The following HAPLN1 variants were observed in gnomAD, a reference collection of about 807,000 sequenced individuals.
HAPLN1 encodes the protein Cartilage link protein.
Under a neutral mutation model 36.5 loss-of-function variants are expected in HAPLN1, and 13 were observed. The observed-to-expected ratio is 0.36, with a 90% CI of 0.23 to 0.57. HAPLN1 has a LOEUF of 0.57. HAPLN1 is among the 20% of genes least tolerant of loss of function. HAPLN1 has a pLI of 0.83. For synonymous variants in HAPLN1, 202 were observed against 169.8 expected (o/e 1.19, Z -1.48); for missense variants, 407 against 439.7 (o/e 0.93, Z 0.66).
intron 1 of HAPLN1, among the ~76,000 whole-genome samples, chr5:83,697,168 A>G (rs886763596): frequency 4.6e-5 from 7 of 152,178 alleles, no homozygotes; most frequent in African/African-American, 1.2e-4. Flanking sequence ...TTAATGATTC[A>G]ATGAATATTC....
At chr5:83,658,383 A>T (rs906228395) in intron 2 of HAPLN1, among the ~76,000 whole-genome samples, 1 of 152,150 alleles carries the variant, frequency 6.6e-6, no homozygotes, top group African/African-American at 2.4e-5. Context: ...CTATGACTGA[A>T]ATATACTAGT....
chr5:83,646,408 C>A (rs531085269), intron 3 of HAPLN1, among the ~76,000 whole-genome samples: 2 of 152,198 alleles, frequency 1.3e-5, no homozygotes, highest in Non-Finnish European at 2.9e-5. Context: ...TACAAACTCA[C>A]TAATAGCATA....
At chr5:83,712,270 G>A (rs1418594757) in intron 1 of HAPLN1, among the ~76,000 whole-genome samples, 1 of 151,940 alleles carries the variant, frequency 6.6e-6, no homozygotes, top group Non-Finnish European at 1.5e-5. Context: ...ATTTATACCT[G>A]TTGTATATTA....
At chr5:83,655,524 G>GTA (rs1750185638) in intron 2 of HAPLN1, among the ~76,000 whole-genome samples, 1 of 151,576 alleles carries the variant, frequency 6.6e-6, no homozygotes, top group African/African-American at 2.4e-5. Context: ...TGGGGTGTGT[G>GTA]TGTGTGTGTG....
At chr5:83,690,361 T>G (rs551248558) in intron 1 of HAPLN1, among the ~76,000 whole-genome samples, 1 of 152,100 alleles carries the variant, frequency 6.6e-6, no homozygotes, top group African/African-American at 2.4e-5. Flanking sequence ...TAGAAACAGG[T>G]TTTTTAGTAG....
chr5:83,698,366 G>A (rs1561321377), intron 1 of HAPLN1, among the ~76,000 whole-genome samples: 1 of 151,616 alleles, frequency 6.6e-6, no homozygotes, highest in Non-Finnish European at 1.5e-5. Context: ...AATTTTCTTG[G>A]TACTCTTGTC....
Position 83,640,987 on chromosome 5 carries a change from A to G in HAPLN1, c.*509T>C, listed in dbSNP as rs1222549197. The G allele has an allele frequency of 6.6e-6, 1 of 151,202 alleles. No individual in the cohort carries two copies. The highest frequency in any genetic ancestry group is 2.4e-5 in the African/African-American group (1 of 40,966). 9.4% of individuals were successfully genotyped at this position (151,202 alleles called of 1,614,324 possible). A position where few individuals can be genotyped will look rare whatever the true frequency, so the allele number is the denominator to read the frequency against. On this transcript the variant is annotated 3_prime_UTR_variant, in exon 5 of 5. Coordinates refer to ENST00000274341, the MANE Select transcript of HAPLN1 (RefSeq NM_001884.4). ...CTGCCTATTAGAGACTTGAAATATT[A>G]ACTTTTAGAAAGGTATAGATTGTTC...
chr5:83,687,180 G>T (rs1225408667), intron 1 of HAPLN1, among the ~76,000 whole-genome samples: 1 of 152,140 alleles, frequency 6.6e-6, no homozygotes, highest in African/African-American at 2.4e-5. Flanking sequence ...TTCAGTGCTG[G>T]TGTAGTCAAA....
intron 2 of HAPLN1, among the ~76,000 whole-genome samples, chr5:83,668,359 AGT>A (rs1353992869): frequency 6.6e-6 from 1 of 152,216 alleles, no homozygotes; most frequent in Non-Finnish European, 1.5e-5. Flanking sequence ...TCAGATTTGA[AGT>A]AAAGGAAGGG....
chr5:83,676,096 A>G (rs1371211467), intron 1 of HAPLN1, among the ~76,000 whole-genome samples: 2 of 152,166 alleles, frequency 1.3e-5, no homozygotes, highest in Non-Finnish European at 2.9e-5. Flanking sequence ...CTGCCTCATT[A>G]ATTATATCAC....
In HAPLN1 at chr5:83,638,637, T is replaced by C. The variant is rs1351740954; in HGVS notation, c.*2859A>G. ...AATTGTAATCTCCTTTGAGTCTACT[T>C]CTAATTGCCAAAATAAAAAGTGACT... On this transcript the variant is annotated 3_prime_UTR_variant, in exon 5 of 5. Coordinates refer to ENST00000274341, the MANE Select transcript of HAPLN1 (RefSeq NM_001884.4). The C allele has an allele frequency of 6.6e-6, 1 of 152,058 alleles. No homozygotes were observed. Among genetic ancestry groups the C allele is most frequent in the Non-Finnish European group, 1.5e-5 (1 of 67,906 alleles). 9.4% of individuals were successfully genotyped at this position (152,058 alleles called of 1,614,324 possible). A position where few individuals can be genotyped will look rare whatever the true frequency, so the allele number is the denominator to read the frequency against.
intron 1 of HAPLN1, among the ~76,000 whole-genome samples, chr5:83,716,655 T>C (rs1751918308): frequency 6.6e-6 from 1 of 152,224 alleles, no homozygotes; most frequent in East Asian, 1.9e-4. Context: ...AGAGCTTGGC[T>C]GGTTTTCTCT....
At chr5:83,698,322 T>C (rs945317101) in intron 1 of HAPLN1, among the ~76,000 whole-genome samples, 7 of 152,120 alleles carry the variant, frequency 4.6e-5, no homozygotes, top group Non-Finnish European at 8.8e-5. Context: ...TCTTTTTCTT[T>C]TCCTGCTTTG....
chr5:83,704,675 TAAG>T (rs1229351084), intron 1 of HAPLN1, among the ~76,000 whole-genome samples: 1 of 152,164 alleles, frequency 6.6e-6, no homozygotes, highest in African/African-American at 2.4e-5. Context: ...TAAATAATAA[TAAG>T]GTGTTCAATT....
chr5:83,648,878 C>T (rs1315448101), intron 3 of HAPLN1, among the ~76,000 whole-genome samples: 2 of 152,170 alleles, frequency 1.3e-5, no homozygotes, highest in Admixed American at 1.3e-4. Context: ...ATTTCAAACT[C>T]TTATGCATAT....
chr5:83,675,646 T>A (rs950286553), intron 1 of HAPLN1, among the ~76,000 whole-genome samples: 4 of 152,232 alleles, frequency 2.6e-5, no homozygotes, highest in Non-Finnish European at 4.4e-5. Context: ...TTCATTCCAA[T>A]GTGTTAAAGT....
rs151135559 is a variant in HAPLN1 at position 83,689,212 on chromosome 5, G to C, written c.-26-15663C>G. ...GCTATTCTTCCTATTTGGAAGGGTA[G>C]GGTGAGGAGCGTTAGGGATCGGTGG... is the stretch of plus-strand genomic sequence containing the variant. On this transcript the variant is annotated intron_variant, in intron 1 of 4. Transcript: ENST00000274341. Among the ~76,000 whole-genome samples, 647 of 152,228 alleles carry C rather than the reference G, an allele frequency of 4.3e-3. 5 individuals carry two copies. The highest frequency in any genetic ancestry group is 0.015 in the African/African-American group (611 of 41,558).
chr5:83,666,037 T>C lies in HAPLN1; in HGVS notation c.100+7387A>G, dbSNP rs966846577. Among the ~76,000 whole-genome samples, 5 of 152,344 alleles carry C rather than the reference T, an allele frequency of 3.3e-5. No individual in the cohort carries two copies. The East Asian group carries it at 5.8e-4, about 18-fold the overall frequency. On this transcript the variant is annotated intron_variant, in intron 2 of 4. Transcript: ENST00000274341. ...TTCAAATAATTTCCTATGTTTTTAA[T>C]GTTTTCATTTTGAAATAAGAATATT...
chr5:83,685,174 G>T (rs1021436439), intron 1 of HAPLN1, among the ~76,000 whole-genome samples: 1 of 152,164 alleles, frequency 6.6e-6, no homozygotes, highest in African/African-American at 2.4e-5. Context: ...TGGAAAAATG[G>T]CATGGGATTT....
Sources: allele counts gnomAD v4.1 joint callset (sites outside exome capture counted in the v4.1 genomes callset), GRCh38; gene constraint gnomAD v4.1.1; transcripts MANE v1.5; gene names NCBI Gene and HGNC (gene_info 2026-07-23, HGNC 2026-07-21).